FGFRL1: variants seen among roughly 807,000 people sequenced by gnomAD.
FGFRL1 encodes the protein fibroblast growth factor receptor-like 1.
A neutral mutation model predicts 36.8 loss-of-function variants in FGFRL1; 24 were observed. The ratio of observed to expected loss-of-function variants is 0.65; its 90% CI spans 0.47 to 0.92. The LOEUF is 0.92. Ranked by LOEUF, FGFRL1 falls within the 40% of genes least tolerant of loss-of-function variation. FGFRL1 has a pLI of 0.00. For missense variants in FGFRL1, 785 were observed against 753.4 expected (o/e 1.04, Z -0.49); for synonymous variants, 422 against 344.1 (o/e 1.23, Z -2.50).
rs1480385116 is a variant in FGFRL1 at position 1,023,819 on chromosome 4, C to T, written c.436C>T (p.Arg146Ter). 3 of 1,577,478 alleles carry T rather than the reference C, an allele frequency of 1.9e-6. No individual in the cohort carries two copies. The highest frequency in any genetic ancestry group is 1.7e-5 in the Admixed American group (1 of 57,874). Residue 146 changes from arginine (R) to a stop codon, truncating the protein, a stop_gained and splice_region_variant, in exon 5 of 7, where the codon CGA becomes TGA. Transcript: ENST00000510644. LOFTEE classifies it high-confidence loss of function. This position sits in a 1 kb window ranked among gnomAD's most constrained non-coding sequence, Gnocchi z 6.0. ...CTCCACGCCACCCCACCCCGCAGCA[C>T]GACCGCGCTTCACACAGCCCTCCAA... is the stretch of plus-strand genomic sequence containing the variant. Reference protein sequence around the residue: ...QEDPASQQWARPRFTQPSKMR... With the variant: ...QEDPASQQWA
intron 2 of FGFRL1, among the ~76,000 whole-genome samples, chr4:1,017,715 G>T (rs1056060932): frequency 2.6e-5 from 4 of 152,206 alleles, no homozygotes; most frequent in South Asian, 2.1e-4. Context: ...GACGCTGCAC[G>T]TGTGTCCCTG....
upstream of FGFRL1, among the ~76,000 whole-genome samples, chr4:1,010,740 G>A (rs756463885): frequency 2.0e-5 from 3 of 152,130 alleles, no homozygotes; most frequent in East Asian, 3.9e-4. Context: ...AGCCCTGCGT[G>A]CTGGGCCCTG....
chr4:1,023,631 C>T lies in FGFRL1; in HGVS notation c.353-10C>T. 1 of 1,596,710 alleles carries T rather than the reference C, an allele frequency of 6.3e-7. No homozygotes were observed. Among genetic ancestry groups the T allele is most frequent in the Non-Finnish European group, 8.5e-7 (1 of 1,173,854 alleles). The stretch of plus-strand genomic sequence containing the variant: ...ACCTGCCCTCCCTGTGCACCTCCGT[C>T]TCTCTGCAGATGACATTAGCCCAGG... On this transcript the variant is annotated splice_polypyrimidine_tract_variant and intron_variant, in intron 3 of 6. Coordinates refer to ENST00000510644, the MANE Select transcript of FGFRL1 (RefSeq NM_001004356.3). This position sits in a 1 kb window ranked among gnomAD's most constrained non-coding sequence, Gnocchi z 6.0.
rs1369618853 is a variant in FGFRL1, at chr4:1,025,143, C to A, written c.1311C>A (p.Ala437=). 1 of 1,610,976 alleles carries A rather than the reference C, an allele frequency of 6.2e-7. No individual in the cohort carries two copies. The highest frequency in any genetic ancestry group is 8.5e-7 in the Non-Finnish European group (1 of 1,179,276). The change falls in exon 7 of 7, where the codon GCC becomes GCA. Residue 437 remains alanine, a synonymous_variant. Transcript: ENST00000510644. ...SGDKDLPSLA[A]LSAGPGVGLC... ...ACAAGGACCTTCCCTCGTTGGCCGC[C>A]CTCAGCGCTGGCCCTGGTGTGGGGC...
chr4:1,011,506 G>A (rs1715579281), upstream of FGFRL1, among the ~76,000 whole-genome samples: 1 of 144,830 alleles, frequency 6.9e-6, no homozygotes, highest in South Asian at 2.1e-4. Flanking sequence ...CGGTGTGCGC[G>A]CGCGGATTGG....
chr4:1,022,933 GACCCGGC>G (rs1716277461), intron 3 of FGFRL1, among the ~76,000 whole-genome samples: 1 of 152,196 alleles, frequency 6.6e-6, no homozygotes, highest in Non-Finnish European at 1.5e-5. Flanking sequence ...CATACCTAGG[GACCCGGC>G]ACCCCGCCTG....
At chr4:1,018,765 C>T (rs1381468533) in intron 2 of FGFRL1, among the ~76,000 whole-genome samples, 1 of 152,174 alleles carries the variant, frequency 6.6e-6, no homozygotes, top group Non-Finnish European at 1.5e-5. Flanking sequence ...GTCCAGGTGG[C>T]GTGGTGCCCT....
chr4:1,019,254 C>T (rs982251650), intron 2 of FGFRL1, among the ~76,000 whole-genome samples: 112 of 152,336 alleles, frequency 7.4e-4, no homozygotes, highest in Middle Eastern at 6.8e-3. Flanking sequence ...ATGTGGGGGG[C>T]TGGGTCAGTG....
rs540089482 is a variant in FGFRL1 at position 1,025,675 on chromosome 4, G to A, written c.*328G>A. 2.8e-5 allele frequency: 12 copies of A among 433,290 alleles called. No individual in the cohort carries two copies. Among genetic ancestry groups the A allele is most frequent in the Non-Finnish European group, 5.0e-5 (12 of 237,944 alleles). 26.8% of individuals were successfully genotyped at this position (433,290 alleles called of 1,614,324 possible). A position where few individuals can be genotyped will look rare whatever the true frequency, so the allele number is the denominator to read the frequency against. ...CACAGAGACATGCCAGAACATACAAGGACATGCTGCCTGAACATACACACG... is the reference window on the plus strand; with the variant it reads ...CACAGAGACATGCCAGAACATACAAAGACATGCTGCCTGAACATACACACG... On this transcript the variant is annotated 3_prime_UTR_variant, in exon 7 of 7. Coordinates refer to ENST00000510644, the MANE Select transcript of FGFRL1 (RefSeq NM_001004356.3).
Position 1,023,608 on chromosome 4 carries a change from C to T in FGFRL1, c.353-33C>T, listed in dbSNP as rs762320493. 1 of 1,563,786 alleles carries T rather than the reference C, an allele frequency of 6.4e-7. No individual in the cohort carries two copies. The highest frequency in any genetic ancestry group is 8.7e-7 in the Non-Finnish European group (1 of 1,154,218). On this transcript the variant is annotated intron_variant, in intron 3 of 6. Transcript: ENST00000510644. The surrounding 1 kb of genome is among the most constrained non-coding windows in gnomAD (Gnocchi z 6.0). Reference sequence around the variant, plus strand: ...GGGAGCTCCTCAGGGCCCCCCTCACCTGCCCTCCCTGTGCACCTCCGTCTC... The same window carrying T: ...GGGAGCTCCTCAGGGCCCCCCTCACTTGCCCTCCCTGTGCACCTCCGTCTC...
At chr4:1,012,132 GC>G (rs199614217) in intron 1 of FGFRL1, 178 bp downstream of exon 1, 99,650 of 156,756 alleles carry the variant, frequency 0.64, 34,199 homozygotes, top group African/African-American at 0.86. Flanking sequence ...CCCCACGTGG[GC>G]CCCCCCCAGC....
In FGFRL1 at chr4:1,025,200, C is replaced by T. The variant is rs1359137418; in HGVS notation, c.1368C>T (p.Pro456=). 3 of 1,610,630 alleles carry T rather than the reference C, an allele frequency of 1.9e-6. No homozygotes were observed. Among genetic ancestry groups the T allele is most frequent in the South Asian group, 1.1e-5 (1 of 90,710 alleles). Residue 456 remains proline, a synonymous_variant, in exon 7 of 7, where the codon CCC becomes CCT. Transcript: ENST00000510644. ...LCEEHGSPAA[P]QHLLGPGPVA... ...AGGAGCATGGGTCTCCGGCAGCCCC[C>T]CAGCACTTACTGGGCCCAGGCCCAG...
Position 1,024,115 on chromosome 4 carries a change from C to T in FGFRL1, c.718+14C>T, listed in dbSNP as rs763601127. 2.0e-4 allele frequency: 267 copies of T among 1,339,824 alleles called. 1 individual carries two copies. The highest frequency in any genetic ancestry group is 2.5e-4 in the Non-Finnish European group (252 of 1,018,040). The allele number at this position is 1,339,824 out of a possible 1,614,324, so 83.0% of individuals were successfully genotyped here. On this transcript the variant is annotated intron_variant, in intron 5 of 6. Transcript: ENST00000510644. ...TGGATGTGATCCGTGAGTGTGGCCCCGGGCGCTGGCGGGCGGGGGGTGCTG... is the reference window on the plus strand; with the variant it reads ...TGGATGTGATCCGTGAGTGTGGCCCTGGGCGCTGGCGGGCGGGGGGTGCTG...
intron 2 of FGFRL1, among the ~76,000 whole-genome samples, chr4:1,017,896 C>G (rs967013570): frequency 6.9e-6 from 1 of 145,312 alleles, no homozygotes; most frequent in Admixed American, 6.7e-5. Flanking sequence ...ACACCCACAC[C>G]GTTCTCCCTA....
Position 1,022,414 on chromosome 4 carries a change from C to A in FGFRL1, c.291C>A (p.Tyr97Ter). The A allele has an allele frequency of 6.2e-7, 1 of 1,611,692 alleles. No individual in the cohort carries two copies. The change falls in exon 3 of 7, where the codon TAC becomes TAA. Residue 97 changes from tyrosine (Y) to a stop codon, truncating the protein, a stop_gained. Coordinates refer to ENST00000510644, the MANE Select transcript of FGFRL1 (RefSeq NM_001004356.3). LOFTEE classifies it high-confidence loss of function. Reference sequence around the variant, plus strand: ...TGGAGCGGGAGGATGCCGGCGTGTACGTGTGCAAGGCCACCAACGGCTTCG... The same window carrying A: ...TGGAGCGGGAGGATGCCGGCGTGTAAGTGTGCAAGGCCACCAACGGCTTCG... ...KQVEREDAGV[Y>*]VCKATNGFGS...
upstream of FGFRL1, among the ~76,000 whole-genome samples, chr4:1,010,449 T>C (rs1715527666): frequency 1.3e-5 from 2 of 152,200 alleles, no homozygotes; most frequent in Non-Finnish European, 2.9e-5. Flanking sequence ...TCCCACACCC[T>C]GACAGCTGGC....
At position 1,021,667 on chromosome 4, in the gene FGFRL1, A is replaced by G. The variant is rs542568257; in HGVS notation, c.80-536A>G. 2.6e-5 allele frequency among the ~76,000 whole-genome samples: 4 copies of G among 152,230 alleles called. No homozygotes were observed. The South Asian group carries it at 6.2e-4, about 24-fold the overall frequency. ...TGGATAGCTGTGGGGTCGCTGGCCC[A>G]TGCCCAGGCCCGGCTGGGCCCTGGG... On this transcript the variant is annotated intron_variant, in intron 2 of 6. Transcript: ENST00000510644.
In FGFRL1 at chr4:1,011,843, G is replaced by T. The variant is rs1425749722; in HGVS notation, c.-128G>T. On this transcript the variant is annotated 5_prime_UTR_variant, in exon 1 of 7. Transcript: ENST00000510644. ...TAGCGCCGCCCCGCCCCGAGACCGG[G>T]CCCGGGGGCGCGGGGCGGCGGGATG... is the stretch of plus-strand genomic sequence containing the variant. The T allele has an allele frequency of 7.0e-5, 10 of 143,772 alleles. No individual in the cohort carries two copies. In the East Asian group the frequency reaches 1.7e-3, roughly 24 times the overall value. 8.9% of individuals were successfully genotyped at this position (143,772 alleles called of 1,614,324 possible).
At chr4:1,017,945 G>T (rs2153025959) in intron 2 of FGFRL1, among the ~76,000 whole-genome samples, 1 of 152,330 alleles carries the variant, frequency 6.6e-6, no homozygotes, top group East Asian at 1.9e-4. Flanking sequence ...CCAGGCCTCG[G>T]GACACCACGA....
Sources: gnomAD v4.1 joint callset for allele counts (sites outside exome capture counted in the v4.1 genomes callset) on GRCh38, gnomAD v4.1.1 for gene constraint, Gnocchi (gnomAD v3.1) non-coding constraint, MANE v1.5 for transcripts, NCBI Gene and HGNC (gene_info 2026-07-23, HGNC 2026-07-21) for gene names.